ANXA4: variants seen among roughly 807,000 people sequenced by gnomAD.
ANXA4 encodes the protein annexin A4.
ANXA4 carries 39 observed loss-of-function variants against 49.8 expected under a neutral mutation model. That is an observed-to-expected ratio of 0.78 (90% CI 0.61 to 1.02). The LOEUF is 1.02. ANXA4 is among the 50% of genes least tolerant of loss of function. The probability of loss-of-function intolerance (pLI) is 0.00; values close to 1 mark genes in which losing one functional copy is unlikely to be tolerated. For synonymous variants in ANXA4, 134 were observed against 152.5 expected, an observed-to-expected ratio of 0.88 and a Z score of 0.89; for missense variants, 360 against 410.1, an observed-to-expected ratio of 0.88 and a Z score of 1.05.
chr2:69,685,898 C>T (rs1203181731), intron 2 of ANXA4, among the ~76,000 whole-genome samples: 1 of 152,120 alleles, frequency 6.6e-6, no homozygotes. Flanking sequence ...AGTGTAAATA[C>T]TCTCACCTTG....
chr2:69,646,580 A>G (rs1053773074), intron 1 of ANXA4, among the ~76,000 whole-genome samples: 3 of 152,232 alleles, frequency 2.0e-5, no homozygotes, highest in Admixed American at 6.5e-5. Context: ...AGTGCCATTT[A>G]CTATTGTTAC....
At chr2:69,804,410 A>G (rs1673345869) in intron 3 of ANXA4, 123 bp from the exon 4 acceptor site, 1 of 800,160 alleles carries the variant, frequency 1.2e-6, no homozygotes, top group Admixed American at 2.5e-5. Context: ...CCCTCTGAAT[A>G]AGGGCCTCTT....
At chr2:69,648,549 C>T (rs1464201121) in intron 1 of ANXA4, among the ~76,000 whole-genome samples, 1 of 152,186 alleles carries the variant, frequency 6.6e-6, no homozygotes, top group Non-Finnish European at 1.5e-5. Flanking sequence ...CTTGCCCAGG[C>T]ATGCTGGCTC....
chr2:69,758,690 T>C (rs1671155492), intron 1 of ANXA4, among the ~76,000 whole-genome samples: 1 of 152,152 alleles, frequency 6.6e-6, no homozygotes, highest in Admixed American at 6.5e-5. Flanking sequence ...AATATTAAAT[T>C]AAGAATAAAT....
intron 2 of ANXA4, among the ~76,000 whole-genome samples, chr2:69,705,342 G>A (rs765126837): frequency 4.6e-5 from 7 of 152,064 alleles, no homozygotes; most frequent in South Asian, 2.1e-4. Context: ...CTAATGGGTC[G>A]TGGGATTATA....
chr2:69,821,895 G>A (rs779618929), intron 12 of ANXA4, among the ~76,000 whole-genome samples: 2 of 152,092 alleles, frequency 1.3e-5, no homozygotes, highest in African/African-American at 2.4e-5. Context: ...GAAGTTATGG[G>A]AAAATATACT....
intron 1 of ANXA4, among the ~76,000 whole-genome samples, chr2:69,771,111 A>G (rs201044332): frequency 3.7e-5 from 3 of 81,702 alleles, no homozygotes; most frequent in Admixed American, 2.4e-4. Context: ...AAAAAAAAGA[A>G]AAAAAAAAAA....
At chr2:69,721,145 A>T (rs925549426) in intron 3 of ANXA4, among the ~76,000 whole-genome samples, 2 of 152,130 alleles carry the variant, frequency 1.3e-5, no homozygotes, top group African/African-American at 4.8e-5. Context: ...TGTGGCATGG[A>T]CTCTCCGAGC....
chr2:69,785,248 G>A (rs930296641), intron 2 of ANXA4, among the ~76,000 whole-genome samples: 4 of 152,184 alleles, frequency 2.6e-5, no homozygotes, highest in Non-Finnish European at 4.4e-5. Context: ...GCCACTATGG[G>A]CCTGAGAGGT....
At chr2:69,820,511 T>C (rs1303177940) in intron 11 of ANXA4, among the ~76,000 whole-genome samples, 188 bp from the exon 12 acceptor site, 2 of 152,030 alleles carry the variant, frequency 1.3e-5, no homozygotes, top group Non-Finnish European at 2.9e-5. Flanking sequence ...CATAGAGCAT[T>C]GGAAAAGTGA....
intron 1 of ANXA4, among the ~76,000 whole-genome samples, chr2:69,647,533 C>T (rs1384019718): frequency 6.6e-6 from 1 of 151,824 alleles, no homozygotes; most frequent in Non-Finnish European, 1.5e-5. Flanking sequence ...CTCAGCCTCC[C>T]GAGTAGCGGG....
At chr2:69,819,411 TC>T (rs1426076742) in intron 11 of ANXA4, 73 bp downstream of exon 11, 1 of 1,126,544 alleles carries the variant, frequency 8.9e-7, no homozygotes, top group African/African-American at 1.6e-5. Context: ...CTTACTTATA[TC>T]CCCTATCCAA....
intron 1 of ANXA4, among the ~76,000 whole-genome samples, chr2:69,780,751 A>G (rs1476332859): frequency 1.3e-5 from 2 of 152,190 alleles, no homozygotes; most frequent in Non-Finnish European, 2.9e-5. Flanking sequence ...CAAAAAAACA[A>G]GAAAAGAGAA....
At chr2:69,817,262 G>T (rs571235234) in intron 9 of ANXA4, 5 of 152,326 alleles carry the variant, frequency 3.3e-5, no homozygotes, top group Admixed American at 6.5e-5. Flanking sequence ...GTAAGCCACT[G>T]GGAGAAAATA....
chr2:69,689,658 A>G (rs1296593835), intron 2 of ANXA4, among the ~76,000 whole-genome samples: 1 of 152,206 alleles, frequency 6.6e-6, no homozygotes, highest in Non-Finnish European at 1.5e-5. Context: ...AATTAAAGTC[A>G]CTTGAAGTAG....
chr2:69,659,680 G>A (rs552651799), intron 2 of ANXA4, among the ~76,000 whole-genome samples: 52 of 152,280 alleles, frequency 3.4e-4, no homozygotes, highest in African/African-American at 1.3e-3. Context: ...TAGCTCTTTG[G>A]GAGGCTGTAG....
In ANXA4 at chr2:69,656,212, CAT is replaced by C. The variant is rs1173494983; in HGVS notation, n.766+2937_766+2938del. Among the ~76,000 whole-genome samples the C allele has an allele frequency of 6.4e-3, 871 of 135,500 alleles. 36 individuals carry two copies. The highest frequency in any genetic ancestry group is 0.022 in the African/African-American group (794 of 36,246). The allele number at this position is 135,500 out of a possible 152,430, so 88.9% of individuals were successfully genotyped here. ...ACGTATATATATATATATACACACA[CAT>C]ATATATGTATATATGTATATATATA... On this transcript the variant is annotated intron_variant and non_coding_transcript_variant, in intron 2 of 3. Transcript: ENST00000418066.
chr2:69,746,253 A>G (rs1232720147), intron 1 of ANXA4, among the ~76,000 whole-genome samples: 1 of 150,388 alleles, frequency 6.6e-6, no homozygotes, highest in African/African-American at 2.4e-5. Flanking sequence ...CTCATGATCC[A>G]CCCGCCTCGG....
At chr2:69,757,260 ATATATATTTTTTTTTTTTTT>A (rs1437584251) in intron 1 of ANXA4, among the ~76,000 whole-genome samples, 3,137 of 51,706 alleles carry the variant, frequency 0.061, 181 homozygotes, top group African/African-American at 0.21. Flanking sequence ...ATATATATAT[ATATATATTTTTTTTTTTTTT>A]TTTTTTTTTA....
Sources: gnomAD v4.1 joint callset for allele counts (sites outside exome capture counted in the v4.1 genomes callset) on GRCh38, gnomAD v4.1.1 for gene constraint, MANE v1.5 for transcripts, NCBI Gene and HGNC (gene_info 2026-07-23, HGNC 2026-07-21) for gene names.